Variants in MZT2A observed in about 807,000 individuals in gnomAD.
The protein encoded by MZT2A is mitotic spindle organizing protein 2A, also known as mitotic-spindle organizing protein 2A.
A neutral mutation model predicts 12.4 loss-of-function variants in MZT2A; 8 were observed. The observed-to-expected ratio is 0.64, with a 90% CI of 0.38 to 1.16. The LOEUF (loss-of-function observed/expected upper bound fraction) is 1.16. Among genes scored for constraint, MZT2A ranks in the 50% most tolerant of loss-of-function variants. The pLI is 0.01. For missense variants in MZT2A, 181 were observed against 223.6 expected, an observed-to-expected ratio of 0.81 and a Z score of 1.22; for synonymous variants, 88 against 107.5, an observed-to-expected ratio of 0.82 and a Z score of 1.12.
At chr2:131,488,548 G>A (rs898328643) in intron 2 of MZT2A, among the ~76,000 whole-genome samples, 6 of 151,042 alleles carry the variant, frequency 4.0e-5, no homozygotes, top group African/African-American at 9.8e-5. Context: ...GGATTACTCC[G>A]ACAACCCCCC....
At chr2:131,480,452 G>A (rs369634441), downstream of MZT2A, 33 of 1,589,062 alleles carry the variant, frequency 2.1e-5, no homozygotes, top group East Asian at 6.0e-4. Context: ...TGGACTTGAC[G>A]GAATTCCAGA....
intron 2 of MZT2A, chr2:131,490,552 A>G (rs1679249723): frequency 2.0e-6 from 3 of 1,493,588 alleles, no homozygotes; most frequent in Non-Finnish European, 2.7e-6. Flanking sequence ...TCTCTAATAA[A>G]CCGAGTCAGA....
downstream of MZT2A, chr2:131,482,688 T>G: frequency 1.9e-6 from 3 of 1,614,098 alleles, no homozygotes; most frequent in Non-Finnish European, 2.5e-6. Flanking sequence ...TTCGATCTCA[T>G]GTATGCCAAG....
chr2:131,483,735 A>C (rs1427138251), downstream of MZT2A, among the ~76,000 whole-genome samples: 8 of 142,664 alleles, frequency 5.6e-5, no homozygotes, highest in East Asian at 1.4e-3. Context: ...CAAACAAACA[A>C]ACAAAAAACC....
chr2:131,472,057 G>C (rs149446685), intron 3 of MZT2A: 1 of 1,287,220 alleles, frequency 7.8e-7, no homozygotes, highest in African/African-American at 1.5e-5. Flanking sequence ...ACCCAGAACC[G>C]AACTGCCTAC....
chr2:131,474,458 G>A (rs1457221764), intron 2 of MZT2A, among the ~76,000 whole-genome samples: 6 of 135,486 alleles, frequency 4.4e-5, no homozygotes, highest in Non-Finnish European at 3.1e-5. Flanking sequence ...TGCCCAGGCT[G>A]GAGTGCAATG....
At chr2:131,492,795 G>A, upstream of MZT2A, 2 of 1,311,726 alleles carry the variant, frequency 1.5e-6, no homozygotes, top group Admixed American at 2.2e-5. Context: ...GGGGGTGGGG[G>A]GCACTAATCA....
chr2:131,474,540 G>T (rs1261636310), intron 2 of MZT2A, among the ~76,000 whole-genome samples: 1 of 150,176 alleles, frequency 6.7e-6, no homozygotes, highest in African/African-American at 2.4e-5. Flanking sequence ...CTCCCAAGTA[G>T]CTGGGACTAT....
downstream of MZT2A, among the ~76,000 whole-genome samples, chr2:131,483,717 A>AAAAC (rs892722381): frequency 4.1e-5 from 6 of 145,198 alleles, no homozygotes; most frequent in Non-Finnish European, 7.4e-5. Context: ...TCCGTTTCAG[A>AAAAC]AAACAAACAA....
In MZT2A at chr2:131,488,241, T is replaced by G. The variant is rs1277588122; in HGVS notation, c.319+3635A>C. The stretch of plus-strand genomic sequence containing the variant: ...TTTAAAACGTATAGTTTCCCTAAAC[T>G]TAAATATAACGCTTGACTGAATTTA... On this transcript the variant is annotated intron_variant, in intron 2 of 2. Transcript: ENST00000309451. 3.9e-5 allele frequency among the ~76,000 whole-genome samples: 6 copies of G among 152,216 alleles called. No individual in the cohort carries two copies. In the East Asian group the frequency reaches 1.2e-3, roughly 29 times the overall value.
At chr2:131,482,615 G>A (rs1228848633), downstream of MZT2A, 1 of 1,614,138 alleles carries the variant, frequency 6.2e-7, no homozygotes, top group African/African-American at 1.3e-5. Flanking sequence ...GGTGCAGCGG[G>A]CCGTGTGCAT....
At chr2:131,475,716 C>A (rs1678636571) in intron 2 of MZT2A, among the ~76,000 whole-genome samples, 1 of 152,050 alleles carries the variant, frequency 6.6e-6, no homozygotes, top group South Asian at 2.1e-4. Context: ...GGGATAATTG[C>A]GGTGCTGCTG....
intron 2 of MZT2A, among the ~76,000 whole-genome samples, chr2:131,484,761 G>A (rs1033725496): frequency 2.4e-4 from 36 of 152,242 alleles, no homozygotes; most frequent in Middle Eastern, 3.4e-3. Flanking sequence ...CTACCTACCC[G>A]AGTGTTCTGC....
At chr2:131,490,416 G>A in intron 2 of MZT2A, 1 of 1,239,826 alleles carries the variant, frequency 8.1e-7, no homozygotes. Flanking sequence ...ACTGCACCCG[G>A]CTGGCTGTCT....
intron 2 of MZT2A, among the ~76,000 whole-genome samples, chr2:131,474,898 T>A (rs1678601305): frequency 6.6e-6 from 1 of 152,072 alleles, no homozygotes; most frequent in Non-Finnish European, 1.5e-5. Flanking sequence ...CACTTATAAC[T>A]GCTGCCAATA....
At chr2:131,477,398 G>A (rs1678709939) in intron 2 of MZT2A, among the ~76,000 whole-genome samples, 1 of 152,200 alleles carries the variant, frequency 6.6e-6, no homozygotes, top group South Asian at 2.1e-4. Context: ...ACGTCTGGGA[G>A]CCATTACAGG....
At chr2:131,479,032 G>A (rs761198545), downstream of MZT2A, among the ~76,000 whole-genome samples, 1 of 152,356 alleles carries the variant, frequency 6.6e-6, no homozygotes, top group African/African-American at 2.4e-5. Context: ...ATGTACCTGC[G>A]TAGGAGTGCC....
chr2:131,490,496 C>T (rs1465546024), intron 2 of MZT2A: 3 of 1,420,912 alleles, frequency 2.1e-6, no homozygotes, highest in Non-Finnish European at 2.8e-6. Flanking sequence ...TGGTCCTGTC[C>T]CCGGATGCCA....
downstream of MZT2A, chr2:131,482,783 A>G (rs1461092944): frequency 1.9e-6 from 3 of 1,613,946 alleles, no homozygotes; most frequent in Admixed American, 1.7e-5. Flanking sequence ...AGCTCTAGAG[A>G]AGGATTATGA....
Sources: allele counts gnomAD v4.1 joint callset (sites outside exome capture counted in the v4.1 genomes callset), GRCh38; gene constraint gnomAD v4.1.1; transcripts MANE v1.5; gene names NCBI Gene and HGNC (gene_info 2026-07-23, HGNC 2026-07-21).